The following NAV1 variants were observed in gnomAD, a reference collection of about 807,000 sequenced individuals.
NAV1 encodes the protein pore membrane and/or filament interacting like protein 3.
In NAV1, 18 loss-of-function variants were observed where a neutral mutation model predicts 175.2. The observed-to-expected ratio is 0.10, with a 90% CI of 0.07 to 0.15. The LOEUF (loss-of-function observed/expected upper bound fraction) is 0.15, where lower values mean the gene tolerates loss of function less well. Ranked by LOEUF, NAV1 falls within the 10% of genes least tolerant of loss-of-function variation. NAV1 has a pLI of 1.00. For synonymous variants in NAV1, 897 were observed against 978.7 expected (o/e 0.92, Z 1.56); for missense variants, 1,731 against 2,436.6 (o/e 0.71, Z 6.10).
chr1:201,764,260 A>T (rs1212285340), intron 3 of NAV1, among the ~76,000 whole-genome samples: 2 of 152,254 alleles, frequency 1.3e-5, no homozygotes, highest in Non-Finnish European at 1.5e-5. Flanking sequence ...TCAAGCTGAC[A>T]TAACAAAATA....
intron 7 of NAV1, among the ~76,000 whole-genome samples, chr1:201,784,860 T>C (rs576295129): frequency 1.2e-4 from 18 of 152,210 alleles, no homozygotes; most frequent in South Asian, 8.3e-4. Flanking sequence ...TTCCACCTCC[T>C]GGGTTCATGC....
intron 3 of NAV1, among the ~76,000 whole-genome samples, chr1:201,744,819 C>A (rs1052156991): frequency 6.6e-6 from 1 of 152,188 alleles, no homozygotes; most frequent in East Asian, 1.9e-4. Context: ...TCTGCCTAGA[C>A]CCATCATCAC....
intron 1 of NAV1, among the ~76,000 whole-genome samples, chr1:201,541,078 G>GTC (rs1347000508): frequency 5.9e-5 from 9 of 152,204 alleles, no homozygotes; most frequent in Non-Finnish European, 1.2e-4. Flanking sequence ...CTTGGGGCAG[G>GTC]TCTCACATTC....
chr1:201,622,967 C>A, exon 1 of NAV1: 1 of 986,386 alleles, frequency 1.0e-6, no homozygotes, highest in Non-Finnish European at 1.2e-6. Flanking sequence ...TCTTCCCAGA[C>A]CAGGATTCCT....
chr1:201,649,699 G>A (rs981201289), intron 1 of NAV1, among the ~76,000 whole-genome samples: 1 of 152,210 alleles, frequency 6.6e-6, no homozygotes, highest in East Asian at 1.9e-4. Context: ...GGGATGGGGG[G>A]TGAGGGGGTT....
At chr1:201,643,337 C>CTTCT (rs148042258), upstream of NAV1, among the ~76,000 whole-genome samples, 570 of 144,392 alleles carry the variant, frequency 3.9e-3, 5 homozygotes, top group African/African-American at 0.014. Context: ...CCTTCCCTCT[C>CTTCT]TTCTTTCTTT....
rs527723043 is a variant in NAV1 at position 201,694,371 on chromosome 1, C to T, written c.758-18446C>T. Reference sequence around the variant, plus strand: ...TGGAGCCAGGCAGCTGATTTCCCATCGCTTCTCTCATCCCTCCTTCTGAGC... The same window carrying T: ...TGGAGCCAGGCAGCTGATTTCCCATTGCTTCTCTCATCCCTCCTTCTGAGC... On this transcript the variant is annotated intron_variant, in intron 1 of 29. Coordinates refer to ENST00000367296, the Ensembl canonical transcript of NAV1. This position sits in a 1 kb window ranked among gnomAD's most constrained non-coding sequence, Gnocchi z 4.2. Among the ~76,000 whole-genome samples the T allele has an allele frequency of 2.6e-5, 4 of 152,206 alleles. No individual in the cohort carries two copies. Among genetic ancestry groups the T allele is most frequent in the African/African-American group, 4.8e-5 (2 of 41,454 alleles).
At chr1:201,793,599 T>A in intron 13 of NAV1, 193 bp from the exon 18 acceptor site, 1 of 566,178 alleles carries the variant, frequency 1.8e-6, no homozygotes, top group Non-Finnish European at 3.2e-6. Flanking sequence ...AGAAGCTGGT[T>A]CCCACCAGAA....
intron 1 of NAV1, among the ~76,000 whole-genome samples, chr1:201,549,099 CTTTCTTT>C (rs1161294771): frequency 1.4e-5 from 2 of 147,340 alleles, no homozygotes; most frequent in Non-Finnish European, 1.5e-5. Flanking sequence ...TTCTTTCTTT[CTTTCTTT>C]CTTTCTTTCT....
chr1:201,664,500 T>C (rs1256304790), intron 1 of NAV1, among the ~76,000 whole-genome samples: 2 of 152,224 alleles, frequency 1.3e-5, no homozygotes, highest in African/African-American at 4.8e-5. Flanking sequence ...AGATAATGCA[T>C]GTAACACACT....
chr1:201,639,360 G>A (rs562126579), intron 2 of NAV1, among the ~76,000 whole-genome samples: 30 of 152,266 alleles, frequency 2.0e-4, no homozygotes, highest in African/African-American at 7.2e-4. Flanking sequence ...AGGACATCAT[G>A]GAGTTCTGGC....
At chr1:201,646,181 A>G (rs1269010719), upstream of NAV1, among the ~76,000 whole-genome samples, 2 of 152,194 alleles carry the variant, frequency 1.3e-5, no homozygotes, top group African/African-American at 4.8e-5. Context: ...CTGGCATGAT[A>G]CCACTCACAT....
In NAV1 at chr1:201,812,713, C is replaced by T. The variant is rs754601866; in HGVS notation, c.5221+52C>T. ...GTCAGGAGGTGGCTTCCCTTTTCCA[C>T]TGTACCACCTGGAGGGATGCTCCCT... On this transcript the variant is annotated intron_variant, in intron 27 of 29. Coordinates refer to ENST00000367296, the Ensembl canonical transcript of NAV1. The surrounding 1 kb of genome is among the most constrained non-coding windows in gnomAD (Gnocchi z 4.6). The T allele has an allele frequency of 1.1e-5, 16 of 1,484,504 alleles. No homozygotes were observed. The highest frequency in any genetic ancestry group is 1.4e-5 in the Non-Finnish European group (15 of 1,066,610). The allele number at this position is 1,484,504 out of a possible 1,614,324, so 92.0% of individuals were successfully genotyped here.
intron 2 of NAV1, among the ~76,000 whole-genome samples, chr1:201,642,286 C>G (rs994788014): frequency 5.3e-5 from 8 of 151,326 alleles, no homozygotes; most frequent in Non-Finnish European, 8.8e-5. Flanking sequence ...GATCTCGGCT[C>G]ACTGCAGGCT....
At chr1:201,703,331 T>A (rs1315018919) in intron 1 of NAV1, among the ~76,000 whole-genome samples, 2 of 152,226 alleles carry the variant, frequency 1.3e-5, no homozygotes, top group Non-Finnish European at 2.9e-5. Context: ...AGGCCAGCCC[T>A]CTGAGCCCAG....
intron 2 of NAV1, among the ~76,000 whole-genome samples, chr1:201,603,696 A>G (rs917117079): frequency 1.3e-5 from 2 of 152,144 alleles, no homozygotes; most frequent in African/African-American, 4.8e-5. Context: ...GGATGGGAGT[A>G]TTCAGCATTT....
At chr1:201,795,619 C>T (rs1373342257) in intron 15 of NAV1, 1 of 152,206 alleles carries the variant, frequency 6.6e-6, no homozygotes, top group African/African-American at 2.4e-5. Context: ...ATTTCCACCT[C>T]CCTTTCACAC....
intron 1 of NAV1, among the ~76,000 whole-genome samples, chr1:201,549,325 C>T (rs1038361293): frequency 2.6e-5 from 4 of 152,058 alleles, no homozygotes; most frequent in Non-Finnish European, 4.4e-5. Flanking sequence ...CCTCCCACCG[C>T]AGCCTCCCGA....
chr1:201,793,638 C>G (rs1558172501), intron 13 of NAV1, 154 bp from the exon 18 acceptor site: 1 of 651,744 alleles, frequency 1.5e-6, no homozygotes, highest in East Asian at 2.8e-5. Context: ...TTTGTCTGCT[C>G]AGGAAAATCA....
Sources: allele counts gnomAD v4.1 joint callset (sites outside exome capture counted in the v4.1 genomes callset), GRCh38; gene constraint gnomAD v4.1.1; non-coding constraint Gnocchi (gnomAD v3.1); transcripts MANE v1.5; gene names NCBI Gene and HGNC (gene_info 2026-07-23, HGNC 2026-07-21).